SEMA5A: variants seen among roughly 807,000 people sequenced by gnomAD.
SEMA5A encodes the protein semaphorin-5A.
In SEMA5A, 55 loss-of-function variants were observed where a neutral mutation model predicts 135.5. That is an observed-to-expected ratio of 0.41 (90% CI 0.33 to 0.51). SEMA5A has a LOEUF of 0.51. Ranked by LOEUF, SEMA5A falls within the 20% of genes least tolerant of loss-of-function variation. The pLI, the probability that SEMA5A is intolerant of heterozygous loss-of-function variation, is 0.37. For missense variants in SEMA5A, 1,290 were observed against 1,419.9 expected, an observed-to-expected ratio of 0.91 and a Z score of 1.47; for synonymous variants, 580 against 546.5, an observed-to-expected ratio of 1.06 and a Z score of -0.85.
At chr5:9,353,020 A>G (rs918568862) in intron 3 of SEMA5A, among the ~76,000 whole-genome samples, 2 of 150,310 alleles carry the variant, frequency 1.3e-5, no homozygotes, top group Admixed American at 6.7e-5. Flanking sequence ...GTGTTTTAGA[A>G]ATGAAAGAAA....
chr5:9,245,539 A>G (rs1294725753), intron 5 of SEMA5A, among the ~76,000 whole-genome samples: 1 of 152,204 alleles, frequency 6.6e-6, no homozygotes, highest in Non-Finnish European at 1.5e-5. Flanking sequence ...ACACAAATTT[A>G]TAAAAATTAA....
chr5:9,076,160 G>A (rs542394710), intron 16 of SEMA5A, among the ~76,000 whole-genome samples: 77 of 140,344 alleles, frequency 5.5e-4, no homozygotes, highest in African/African-American at 1.9e-3. Flanking sequence ...AGCCGAGATC[G>A]CACCACTGCA....
intron 5 of SEMA5A, among the ~76,000 whole-genome samples, chr5:9,311,717 C>T (rs558167071): frequency 1.3e-5 from 2 of 151,766 alleles, no homozygotes; most frequent in African/African-American, 4.8e-5. Context: ...ACATTGTGCC[C>T]ATGTACCCTA....
intron 3 of SEMA5A, among the ~76,000 whole-genome samples, chr5:9,340,976 C>T (rs184313588): frequency 2.6e-4 from 40 of 152,268 alleles, no homozygotes; most frequent in Non-Finnish European, 4.3e-4. Context: ...CCCCTTTAAT[C>T]GCTTCTCAAT....
At chr5:9,428,555 G>C (rs1282213503) in intron 2 of SEMA5A, among the ~76,000 whole-genome samples, 1 of 152,126 alleles carries the variant, frequency 6.6e-6, no homozygotes, top group Non-Finnish European at 1.5e-5. Context: ...ACATCTCATA[G>C]ATAACCATTA....
intron 1 of SEMA5A, chr5:9,517,143 C>A (rs1736575699): frequency 6.6e-6 from 1 of 152,172 alleles, no homozygotes; most frequent in Admixed American, 6.5e-5. Flanking sequence ...CATGTCCAGT[C>A]CGGAGTGGGT....
chr5:9,353,847 C>A (rs563504475), intron 3 of SEMA5A, among the ~76,000 whole-genome samples: 1 of 152,114 alleles, frequency 6.6e-6, no homozygotes, highest in East Asian at 1.9e-4. Flanking sequence ...CCTAGCACAG[C>A]CTATTAGTTA....
intron 5 of SEMA5A, among the ~76,000 whole-genome samples, chr5:9,311,212 C>T (rs959105525): frequency 2.0e-5 from 3 of 151,820 alleles, no homozygotes; most frequent in Non-Finnish European, 4.4e-5. Flanking sequence ...ACGCTAGATG[C>T]CAGTCAAAGC....
chr5:9,057,592 C>T (rs1385159523), intron 18 of SEMA5A, among the ~76,000 whole-genome samples: 2 of 152,124 alleles, frequency 1.3e-5, no homozygotes, highest in East Asian at 1.9e-4. Context: ...TTTGAATAAC[C>T]GTTTAAGAGA....
chr5:9,234,924 A>G (rs1747819120), intron 6 of SEMA5A, among the ~76,000 whole-genome samples: 1 of 152,220 alleles, frequency 6.6e-6, no homozygotes. Context: ...GTCCCAAAAG[A>G]TGGCCTTTTC....
At chr5:9,462,422 C>G (rs1759091591) in intron 1 of SEMA5A, among the ~76,000 whole-genome samples, 1 of 152,074 alleles carries the variant, frequency 6.6e-6, no homozygotes, top group African/African-American at 2.4e-5. Context: ...TGGTGATTCC[C>G]CAAATAGCTA....
chr5:9,244,598 C>T (rs1191736032), intron 5 of SEMA5A, among the ~76,000 whole-genome samples: 3 of 152,234 alleles, frequency 2.0e-5, no homozygotes, highest in Non-Finnish European at 4.4e-5. Flanking sequence ...TGCACTTGGG[C>T]AGGCAGCTTG....
intron 5 of SEMA5A, among the ~76,000 whole-genome samples, chr5:9,294,059 T>C (rs1220668745): frequency 2.6e-5 from 4 of 151,646 alleles, no homozygotes; most frequent in Non-Finnish European, 4.4e-5. Flanking sequence ...AATCATTTAA[T>C]TAAAGGAAAA....
chr5:9,108,005 T>A, intron 16 of SEMA5A, 135 bp downstream of exon 16: 1 of 1,133,254 alleles, frequency 8.8e-7, no homozygotes, highest in East Asian at 2.6e-5. Context: ...TGTACCAAAT[T>A]TGTGCAGAGC....
intron 3 of SEMA5A, among the ~76,000 whole-genome samples, chr5:9,344,446 G>A (rs761399084): frequency 9.9e-5 from 15 of 152,176 alleles, no homozygotes; most frequent in Non-Finnish European, 1.8e-4. Context: ...TATCAAAAAT[G>A]GTAGTTGTAC....
intron 11 of SEMA5A, among the ~76,000 whole-genome samples, chr5:9,179,112 C>A (rs558835445): frequency 6.6e-6 from 1 of 152,262 alleles, no homozygotes; most frequent in East Asian, 1.9e-4. Flanking sequence ...AGAAACAATA[C>A]TACCCTAACT....
At chr5:9,288,421 C>T (rs6895802) in intron 5 of SEMA5A, among the ~76,000 whole-genome samples, 1 of 152,104 alleles carries the variant, frequency 6.6e-6, no homozygotes, top group Non-Finnish European at 1.5e-5. Flanking sequence ...TCCCCTTTCT[C>T]CCACAGGCCT....
At chr5:9,543,841 A>G (rs1331187249) in intron 1 of SEMA5A, among the ~76,000 whole-genome samples, 1 of 126,686 alleles carries the variant, frequency 7.9e-6, no homozygotes, top group African/African-American at 3.3e-5. Context: ...TTCATGAAAA[A>G]AAAAAAAAAA....
chr5:9,232,611 TAC>T (rs1344022773), intron 6 of SEMA5A, among the ~76,000 whole-genome samples: 1 of 152,248 alleles, frequency 6.6e-6, no homozygotes, highest in African/African-American at 2.4e-5. Context: ...AACACTCATA[TAC>T]ATATATTACG....
Sources: gnomAD v4.1 joint callset for allele counts (sites outside exome capture counted in the v4.1 genomes callset) on GRCh38, gnomAD v4.1.1 for gene constraint, MANE v1.5 for transcripts, NCBI Gene and HGNC (gene_info 2026-07-23, HGNC 2026-07-21) for gene names.